EPHB1: variants seen among roughly 807,000 people sequenced by gnomAD.
EPHB1 encodes ephrin type-B receptor 1.
Under a neutral mutation model 94.4 loss-of-function variants are expected in EPHB1, and 30 were observed. The ratio of observed to expected loss-of-function variants is 0.32; its 90% CI spans 0.24 to 0.43. The LOEUF (loss-of-function observed/expected upper bound fraction) is 0.43, where lower values mean the gene tolerates loss of function less well. EPHB1 is among the 20% of genes least tolerant of loss of function. The pLI, the probability that EPHB1 is intolerant of heterozygous loss-of-function variation, is 1.00. For synonymous variants in EPHB1, 522 were observed against 489.1 expected (o/e 1.07, Z -0.89); for missense variants, 1,055 against 1,308.3 (o/e 0.81, Z 2.99).
intron 1 of EPHB1, among the ~76,000 whole-genome samples, chr3:134,841,190 G>A (rs932640855): frequency 6.6e-6 from 1 of 152,106 alleles, no homozygotes; most frequent in African/African-American, 2.4e-5. Flanking sequence ...AGTTTTCCTG[G>A]TTTCCAGGAA....
rs561114221 is a variant in EPHB1 at position 134,906,412 on chromosome 3, C to T, written c.59-19404C>T. Among the ~76,000 whole-genome samples, 11 of 152,166 alleles carry T rather than the reference C, an allele frequency of 7.2e-5. No homozygotes were observed. The East Asian group carries it at 1.4e-3, about 19-fold the overall frequency. On this transcript the variant is annotated intron_variant, in intron 1 of 15. Transcript: ENST00000398015. ...TAGAGGTCACACAAACTTTTGTGGACGTTTATAGGTATGCTGATAGCTGTA... is the reference window on the plus strand; with the variant it reads ...TAGAGGTCACACAAACTTTTGTGGATGTTTATAGGTATGCTGATAGCTGTA...
chr3:135,129,242 T>C (rs887967585), intron 4 of EPHB1, among the ~76,000 whole-genome samples: 1 of 152,148 alleles, frequency 6.6e-6, no homozygotes, highest in African/African-American at 2.4e-5. Flanking sequence ...CATTTCCTCC[T>C]GAGCAGCTGG....
At chr3:135,152,860 T>C (rs891621210) in intron 5 of EPHB1, among the ~76,000 whole-genome samples, 3 of 151,868 alleles carry the variant, frequency 2.0e-5, no homozygotes, top group Non-Finnish European at 4.4e-5. Flanking sequence ...CTTCAAGGAG[T>C]AGGAACTCTG....
intron 3 of EPHB1, among the ~76,000 whole-genome samples, chr3:135,002,047 T>A (rs943549191): frequency 6.6e-6 from 1 of 152,210 alleles, no homozygotes; most frequent in Non-Finnish European, 1.5e-5. Context: ...GATGAATCGA[T>A]AAACAAAATG....
intron 3 of EPHB1, among the ~76,000 whole-genome samples, chr3:135,095,972 G>A (rs1234764292): frequency 3.3e-5 from 5 of 152,186 alleles, no homozygotes; most frequent in Admixed American, 3.3e-4. Flanking sequence ...GGAATTTCCA[G>A]CTCAAAGTCT....
chr3:134,884,869 G>A (rs905727515), intron 1 of EPHB1, among the ~76,000 whole-genome samples: 13 of 152,214 alleles, frequency 8.5e-5, no homozygotes, highest in Admixed American at 5.9e-4. Flanking sequence ...AGGACCTACA[G>A]TCAGTCAATC....
At chr3:135,248,257 G>A in intron 13 of EPHB1, 59 bp from the exon 14 acceptor site, 1 of 1,447,276 alleles carries the variant, frequency 6.9e-7, no homozygotes, top group Non-Finnish European at 9.3e-7. Context: ...GGGATAATTT[G>A]TGAGTGACTG....
chr3:134,884,577 T>C (rs1423302450), intron 1 of EPHB1, among the ~76,000 whole-genome samples: 1 of 152,190 alleles, frequency 6.6e-6, no homozygotes, highest in Non-Finnish European at 1.5e-5. Flanking sequence ...ATCAGACACA[T>C]TTCTGTTAGT....
intron 14 of EPHB1, 80 bp downstream of exon 14, chr3:135,248,589 C>A: frequency 7.1e-7 from 1 of 1,406,788 alleles, no homozygotes; most frequent in Non-Finnish European, 9.5e-7. Flanking sequence ...TGACCATGAT[C>A]ATGTTCGAAT....
chr3:135,252,633 G>A, intron 15 of EPHB1, among the ~76,000 whole-genome samples: 1 of 142,880 alleles, frequency 7.0e-6, no homozygotes, highest in Non-Finnish European at 1.6e-5. Context: ...CATGTGGGTT[G>A]GTTCCAAGTC....
At chr3:135,012,046 G>C (rs1435732904) in intron 3 of EPHB1, among the ~76,000 whole-genome samples, 1 of 152,124 alleles carries the variant, frequency 6.6e-6, no homozygotes, top group Non-Finnish European at 1.5e-5. Flanking sequence ...GAGTCTGTCA[G>C]AGTCTTCTAT....
intron 1 of EPHB1, among the ~76,000 whole-genome samples, chr3:134,922,234 T>G (rs1228324791): frequency 6.6e-6 from 1 of 152,226 alleles, no homozygotes; most frequent in African/African-American, 2.4e-5. Flanking sequence ...GCTTTATAAA[T>G]GCAAATGAGT....
At chr3:135,188,561 G>A (rs924976554) in intron 10 of EPHB1, among the ~76,000 whole-genome samples, 1 of 152,192 alleles carries the variant, frequency 6.6e-6, no homozygotes, top group Non-Finnish European at 1.5e-5. Flanking sequence ...AGTTTACAAA[G>A]CACTTTCTCC....
intron 12 of EPHB1, among the ~76,000 whole-genome samples, chr3:135,209,820 G>C (rs1259971594): frequency 6.6e-6 from 1 of 152,176 alleles, no homozygotes; most frequent in African/African-American, 2.4e-5. Context: ...ACTGCAGCAT[G>C]GAGGATGGGT....
At chr3:135,214,409 G>A (rs960664948) in intron 12 of EPHB1, among the ~76,000 whole-genome samples, 1 of 152,144 alleles carries the variant, frequency 6.6e-6, no homozygotes, top group African/African-American at 2.4e-5. Flanking sequence ...ACTGCTCTAG[G>A]GCACCAGGCA....
intron 2 of EPHB1, among the ~76,000 whole-genome samples, chr3:134,949,166 C>T (rs1197536208): frequency 6.6e-6 from 1 of 152,090 alleles, no homozygotes; most frequent in African/African-American, 2.4e-5. Context: ...TCATGATGGC[C>T]TGTGTGTCCC....
intron 12 of EPHB1, among the ~76,000 whole-genome samples, chr3:135,213,728 GCTTT>G (rs1943080668): frequency 6.6e-6 from 1 of 152,172 alleles, no homozygotes; most frequent in Non-Finnish European, 1.5e-5. Context: ...TTTCAGCATG[GCTTT>G]CTTTCTCTTC....
chr3:134,921,004 C>G (rs2038673582), intron 1 of EPHB1, among the ~76,000 whole-genome samples: 1 of 152,126 alleles, frequency 6.6e-6, no homozygotes, highest in Non-Finnish European at 1.5e-5. Flanking sequence ...ACCTCAGTCT[C>G]CCCTGAGTAG....
At chr3:135,054,473 G>A (rs1283041029) in intron 3 of EPHB1, among the ~76,000 whole-genome samples, 5 of 152,162 alleles carry the variant, frequency 3.3e-5, no homozygotes, top group Non-Finnish European at 7.3e-5. Context: ...GCTGTATGCT[G>A]AACGTCTCAC....
Sources: allele counts gnomAD v4.1 joint callset (sites outside exome capture counted in the v4.1 genomes callset), GRCh38; gene constraint gnomAD v4.1.1; transcripts MANE v1.5; gene names NCBI Gene and HGNC (gene_info 2026-07-23, HGNC 2026-07-21).